Variants in ACSBG1 observed in about 807,000 individuals in gnomAD.
The protein encoded by ACSBG1 is long-chain-fatty-acid--CoA ligase ACSBG1.
In ACSBG1, 39 loss-of-function variants were observed where a neutral mutation model predicts 80.2. The observed-to-expected ratio is 0.49, with a 90% CI of 0.38 to 0.64. ACSBG1 has a LOEUF of 0.64. Among genes scored for constraint, ACSBG1 ranks in the 30% least tolerant of loss-of-function variants. The pLI, the probability that ACSBG1 is intolerant of heterozygous loss-of-function variation, is 0.00. For missense variants in ACSBG1, 828 were observed against 966.4 expected (o/e 0.86, Z 1.90); for synonymous variants, 392 against 379.5 (o/e 1.03, Z -0.38).
At chr15:78,224,842 C>T (rs1371254927) in intron 1 of ACSBG1, among the ~76,000 whole-genome samples, 1 of 152,120 alleles carries the variant, frequency 6.6e-6, no homozygotes, top group Non-Finnish European at 1.5e-5. Context: ...AGGATTTCCA[C>T]TCTTATTATC....
chr15:78,183,883 G>A (rs1489930157), intron 5 of ACSBG1, among the ~76,000 whole-genome samples: 7 of 151,122 alleles, frequency 4.6e-5, no homozygotes, highest in Non-Finnish European at 5.9e-5. Context: ...TCTTTGGGGC[G>A]GGGCGGGTGG....
In ACSBG1 at chr15:78,194,499, C is replaced by T; in HGVS notation, c.453+7G>A. 6.2e-7 allele frequency: 1 copy of T among 1,613,878 alleles called. No individual in the cohort carries two copies. The highest frequency in any genetic ancestry group is 8.5e-7 in the Non-Finnish European group (1 of 1,179,870). On this transcript the variant is annotated splice_region_variant and intron_variant, in intron 3 of 13. Coordinates refer to ENST00000258873, the MANE Select transcript of ACSBG1 (RefSeq NM_015162.5). ...GGGCAAGGCCTTGCCATGAGGGGCC[C>T]CCTTACCTTCAGGAAGCCCTTGGCG...
At position 78,173,612 on chromosome 15, in the gene ACSBG1, G is replaced by A. The variant is rs1357280154; in HGVS notation, c.2070C>T (p.Ser690=). ...QKWAILERDF[S]ISGGELGPTM... ...ACCTACCCAACTCTCCACCCGAAATGGAGAAGTCTCTCTCGAGAATGGCCC... is the reference window on the plus strand; with the variant it reads ...ACCTACCCAACTCTCCACCCGAAATAGAGAAGTCTCTCTCGAGAATGGCCC... Residue 690 remains serine, a synonymous_variant, in exon 13 of 14, where the codon TCC becomes TCT. Transcript: ENST00000258873. 6.2e-7 allele frequency: 1 copy of A among 1,614,162 alleles called. No individual in the cohort carries two copies. Among genetic ancestry groups the A allele is most frequent in the Non-Finnish European group, 8.5e-7 (1 of 1,180,024 alleles).
intron 1 of ACSBG1, among the ~76,000 whole-genome samples, chr15:78,224,408 A>C (rs1257925326): frequency 6.6e-6 from 1 of 152,214 alleles, no homozygotes; most frequent in Non-Finnish European, 1.5e-5. Context: ...CCTTCACTAC[A>C]AAAAATGCTG....
chr15:78,181,618 C>A (rs1177370368), intron 8 of ACSBG1, among the ~76,000 whole-genome samples: 1 of 151,478 alleles, frequency 6.6e-6, no homozygotes, highest in Non-Finnish European at 1.5e-5. Flanking sequence ...CTCAGCCTCC[C>A]TAGTAGCTGG....
At chr15:78,201,211 A>C (rs546962177) in intron 2 of ACSBG1, among the ~76,000 whole-genome samples, 2 of 152,190 alleles carry the variant, frequency 1.3e-5, no homozygotes, top group Non-Finnish European at 2.9e-5. Flanking sequence ...TACCAGCAGC[A>C]ACCCGGCCTC....
At chr15:78,194,366 C>A in intron 3 of ACSBG1, 140 bp downstream of exon 3, 1 of 774,828 alleles carries the variant, frequency 1.3e-6, no homozygotes, top group Non-Finnish European at 2.1e-6. Flanking sequence ...GAGTATCAGC[C>A]CCACGCACAA....
At position 78,171,378 on chromosome 15, in the gene ACSBG1, G is replaced by A; in HGVS notation, c.*66C>T. The A allele has an allele frequency of 2.9e-6, 4 of 1,382,148 alleles. No individual in the cohort carries two copies. Among genetic ancestry groups the A allele is most frequent in the Non-Finnish European group, 4.1e-6 (4 of 978,394 alleles). The allele number at this position is 1,382,148 out of a possible 1,614,324, so 85.6% of individuals were successfully genotyped here. A position where few individuals can be genotyped will look rare whatever the true frequency, so the allele number is the denominator to read the frequency against. ...GCCTGTGCCCAGACTGAAGAGACCT[G>A]GGGCTCAGGAAGAGGCTCGGAACGC... On this transcript the variant is annotated 3_prime_UTR_variant, in exon 14 of 14. Transcript: ENST00000258873.
At chr15:78,230,011 G>A (rs955616314) in intron 1 of ACSBG1, among the ~76,000 whole-genome samples, 40 of 152,182 alleles carry the variant, frequency 2.6e-4, no homozygotes, top group African/African-American at 8.9e-4. Flanking sequence ...TCAAACACAG[G>A]ATGGACTGTC....
intron 1 of ACSBG1, among the ~76,000 whole-genome samples, chr15:78,233,141 G>C (rs1268798260): frequency 2.0e-5 from 3 of 152,190 alleles, no homozygotes; most frequent in African/African-American, 7.2e-5. Context: ...TTTCTTCCAG[G>C]GGCCCTTGAC....
At chr15:78,211,360 G>T (rs137917799) in intron 1 of ACSBG1, among the ~76,000 whole-genome samples, 1 of 152,332 alleles carries the variant, frequency 6.6e-6, no homozygotes, top group Admixed American at 6.5e-5. Flanking sequence ...AGAGGTTGGC[G>T]GAAGTCACCT....
chr15:78,212,559 G>T (rs1222676083), intron 1 of ACSBG1: 2 of 455,998 alleles, frequency 4.4e-6, no homozygotes, highest in South Asian at 3.1e-5. Context: ...GCAGTCCTCA[G>T]GATGGAGCTG....
chr15:78,190,561 A>G (rs1193933551), intron 5 of ACSBG1, among the ~76,000 whole-genome samples: 1 of 130,462 alleles, frequency 7.7e-6, no homozygotes, highest in Non-Finnish European at 1.7e-5. Flanking sequence ...ACAAAGTGAG[A>G]CCCTGTCTTA....
In ACSBG1 at chr15:78,193,625, C is replaced by A; in HGVS notation, c.544G>T (p.Gly182Cys). The change falls in exon 5 of 14, where the codon GGC (glycine) becomes TGC (cysteine). Residue 182 changes from glycine to cysteine, a missense_variant and splice_region_variant. Gly to Cys is a radical substitution (Grantham distance 159). Transcript: ENST00000258873. ...GTGGTGTAGATGCCAGTGACGATGC[C>A]ACTGTAGGAGACCCAGGAAGATTCA... ...FSAVGTVFAG[G>C]IVTGIYTTSS... The A allele has an allele frequency of 6.2e-7, 1 of 1,612,008 alleles. No individual in the cohort carries two copies. The highest frequency in any genetic ancestry group is 1.1e-5 in the South Asian group (1 of 90,664).
chr15:78,173,668 C>T lies in ACSBG1; in HGVS notation c.2014G>A (p.Ala672Thr), dbSNP rs763765195. 1.3e-5 allele frequency: 21 copies of T among 1,614,126 alleles called. No individual in the cohort carries two copies. In the East Asian group the frequency reaches 2.7e-4, roughly 21 times the overall value. Residue 672 changes from alanine (A) to threonine (T), a missense_variant, in exon 13 of 14, where the codon GCG (alanine) becomes ACG (threonine). Ala to Thr is a moderately conservative substitution (Grantham distance 58, BLOSUM62 0). This residue lies in a region of ACSBG1 where 201 missense variants were observed against 227.0 expected (regional missense o/e 0.89). Transcript: ENST00000258873. ...EEGIRRVNMN[A>T]AARPYHIQKW... ...TGGATGTGGTAGGGCCGGGCCGCCG[C>T]GTTCATGTTGACCCTCCGGATCCCC...
rs1275222577 is a variant in ACSBG1, at chr15:78,179,677, C to A, written c.1357G>T (p.Ala453Ser). Residue 453 changes from alanine to serine, a missense_variant, in exon 10 of 14, where the codon GCC (alanine) becomes TCC (serine). Physicochemically the swap from Ala to Ser is moderately conservative, Grantham distance 99. Transcript: ENST00000258873. ...TGCTGTGTCTCTGCCATCATGGGGG[C>A]CGCTCCATAGAAGTTCTTTTGACAC... ...AKCQKNFYGAAPMMAETQHFF... is the reference protein window; with the variant it reads ...AKCQKNFYGASPMMAETQHFF... 1 of 1,614,152 alleles carries A rather than the reference C, an allele frequency of 6.2e-7. No individual in the cohort carries two copies. Among genetic ancestry groups the A allele is most frequent in the Non-Finnish European group, 8.5e-7 (1 of 1,180,012 alleles).
intron 1 of ACSBG1, among the ~76,000 whole-genome samples, chr15:78,217,848 G>A (rs1177388255): frequency 5.3e-5 from 8 of 152,084 alleles, no homozygotes; most frequent in African/African-American, 1.9e-4. Context: ...TTACAGGCGT[G>A]AGCCACCGCA....
In ACSBG1 at chr15:78,174,409, G is replaced by C; in HGVS notation, c.1818C>G (p.Phe606Leu). 6.2e-7 allele frequency: 1 copy of C among 1,614,158 alleles called. No homozygotes were observed. The highest frequency in any genetic ancestry group is 8.5e-7 in the Non-Finnish European group (1 of 1,180,032). ...NAMLIGDQRK[F>L]LSMLLTLKCT... ...CCTTCAAGGTGAGCAGCATGGACAG[G>C]AACTTCCTCTGGTCCCCAATGAGCA... Residue 606 changes from phenylalanine to leucine, a missense_variant, in exon 12 of 14, where the codon TTC (phenylalanine) becomes TTG (leucine). By Grantham distance (22) the Phe-to-Leu change is conservative (BLOSUM62 0). This residue lies in a region of ACSBG1 where 201 missense variants were observed against 227.0 expected (regional missense o/e 0.89). Transcript: ENST00000258873.
chr15:78,187,415 A>G (rs968385104), intron 5 of ACSBG1, among the ~76,000 whole-genome samples: 5 of 152,202 alleles, frequency 3.3e-5, no homozygotes, highest in African/African-American at 1.2e-4. Flanking sequence ...CATTGATGCA[A>G]AAATCCTCAA....
Sources: allele counts gnomAD v4.1 joint callset (sites outside exome capture counted in the v4.1 genomes callset), GRCh38; gene constraint gnomAD v4.1.1; regional missense constraint gnomAD v4.1.1; transcripts MANE v1.5; gene names NCBI Gene and HGNC (gene_info 2026-07-23, HGNC 2026-07-21).